The following SLC41A2 variants were observed in gnomAD, a reference collection of about 807,000 sequenced individuals.
SLC41A2 encodes the protein solute carrier family 41 member 2, also known as SLC41A1-like 1.
In SLC41A2, 32 loss-of-function variants were observed where a neutral mutation model predicts 58.3. The ratio of observed to expected loss-of-function variants is 0.55; its 90% CI spans 0.41 to 0.74. The LOEUF is 0.74. Ranked by LOEUF, SLC41A2 falls within the 30% of genes least tolerant of loss-of-function variation. SLC41A2 has a pLI of 0.00. For missense variants in SLC41A2, 514 were observed against 680.6 expected, an observed-to-expected ratio of 0.76 and a Z score of 2.72; for synonymous variants, 190 against 235.0, an observed-to-expected ratio of 0.81 and a Z score of 1.75.
intron 7 of SLC41A2, among the ~76,000 whole-genome samples, chr12:104,865,027 A>G (rs1398185835): frequency 6.6e-6 from 1 of 152,076 alleles, no homozygotes; most frequent in Non-Finnish European, 1.5e-5. Context: ...CTCTGTGTAC[A>G]TGGGCAGAGT....
chr12:104,863,534 T>G (rs1224114897), intron 7 of SLC41A2, among the ~76,000 whole-genome samples: 1 of 152,210 alleles, frequency 6.6e-6, no homozygotes, highest in Non-Finnish European at 1.5e-5. Flanking sequence ...CTAGAAATTC[T>G]TTTTATCTTC....
At chr12:104,927,436 C>A (rs2046886279) in intron 2 of SLC41A2, among the ~76,000 whole-genome samples, 1 of 151,956 alleles carries the variant, frequency 6.6e-6, no homozygotes, top group Non-Finnish European at 1.5e-5. Flanking sequence ...AAATAAGTTG[C>A]AGAAAAATAT....
chr12:104,802,351 T>C lies in SLC41A2; in HGVS notation c.*2801A>G, dbSNP rs1029671206. On this transcript the variant is annotated 3_prime_UTR_variant, in exon 11 of 11. Transcript: ENST00000258538. Reference sequence around the variant, plus strand: ...CTTAAGACTGATAATAGATTATTGTTGTGGGTAAATGAGTCATTTTATCTG... The same window carrying C: ...CTTAAGACTGATAATAGATTATTGTCGTGGGTAAATGAGTCATTTTATCTG... 1.3e-5 allele frequency among the ~76,000 whole-genome samples: 2 copies of C among 152,212 alleles called. No individual in the cohort carries two copies. The highest frequency in any genetic ancestry group is 4.8e-5 in the African/African-American group (2 of 41,452).
chr12:104,814,801 A>G (rs1030461603), intron 10 of SLC41A2, among the ~76,000 whole-genome samples: 1 of 152,150 alleles, frequency 6.6e-6, no homozygotes, highest in Non-Finnish European at 1.5e-5. Context: ...CTCAGAATTT[A>G]TGGACTTTAT....
At chr12:104,906,393 C>T (rs1029854328) in intron 3 of SLC41A2, among the ~76,000 whole-genome samples, 1 of 151,446 alleles carries the variant, frequency 6.6e-6, no homozygotes, top group African/African-American at 2.4e-5. Flanking sequence ...GGAGCTTGGA[C>T]ATGGGGCCTG....
intron 10 of SLC41A2, among the ~76,000 whole-genome samples, chr12:104,841,138 C>T (rs934883242): frequency 3.3e-5 from 5 of 152,132 alleles, no homozygotes; most frequent in African/African-American, 1.2e-4. Context: ...TACCCCTCCA[C>T]TTCCACTTCC....
chr12:104,873,589 T>C (rs1034115830), intron 6 of SLC41A2, among the ~76,000 whole-genome samples: 3 of 152,208 alleles, frequency 2.0e-5, no homozygotes, highest in African/African-American at 4.8e-5. Context: ...TTTTAATTTT[T>C]TGAGGAACCT....
intron 1 of SLC41A2, among the ~76,000 whole-genome samples, chr12:104,957,421 G>C (rs1268395838): frequency 6.6e-6 from 1 of 152,086 alleles, no homozygotes; most frequent in Non-Finnish European, 1.5e-5. Context: ...GTTTCTTTTG[G>C]GGATGATGAT....
chr12:104,806,083 CTTTAAG>C (rs1342486797), intron 10 of SLC41A2, among the ~76,000 whole-genome samples: 2 of 151,862 alleles, frequency 1.3e-5, no homozygotes, highest in Non-Finnish European at 2.9e-5. Context: ...TTTTACTATA[CTTTAAG>C]TTTTAGGGTA....
Position 104,818,581 on chromosome 12 carries a change from AAAGAG to A in SLC41A2, c.1537-13249_1537-13245del, listed in dbSNP as rs1312440017. On this transcript the variant is annotated intron_variant, in intron 10 of 10. Coordinates refer to ENST00000258538, the MANE Select transcript of SLC41A2 (RefSeq NM_001352171.3). ...CTATTTGGAGATCCAGAAGGAAAGA[AAAGAG>A]AAAACAGGACAGCCGGGTGCGGTGG... Among the ~76,000 whole-genome samples the A allele has an allele frequency of 3.9e-5, 6 of 152,184 alleles. No individual in the cohort carries two copies. In the East Asian group the frequency reaches 1.2e-3, roughly 29 times the overall value.
At chr12:104,910,441 T>C (rs1054431406) in intron 2 of SLC41A2, among the ~76,000 whole-genome samples, 9 of 152,136 alleles carry the variant, frequency 5.9e-5, no homozygotes, top group Non-Finnish European at 1.2e-4. Flanking sequence ...AATTTCTTCA[T>C]CCATTAAATG....
intron 8 of SLC41A2, among the ~76,000 whole-genome samples, chr12:104,852,533 A>G (rs540809954): frequency 2.6e-5 from 4 of 152,346 alleles, no homozygotes; most frequent in East Asian, 1.9e-4. Flanking sequence ...TTACCATATA[A>G]CAGACTAAGA....
chr12:104,945,535 C>A (rs1009625297), intron 1 of SLC41A2, among the ~76,000 whole-genome samples: 10 of 152,040 alleles, frequency 6.6e-5, no homozygotes, highest in Non-Finnish European at 1.3e-4. Context: ...AAAGAAACCA[C>A]AAAAGATACA....
At chr12:104,903,218 C>T (rs1034322804) in intron 3 of SLC41A2, among the ~76,000 whole-genome samples, 8 of 152,058 alleles carry the variant, frequency 5.3e-5, no homozygotes, top group Non-Finnish European at 1.2e-4. Flanking sequence ...CTGCTTCAAT[C>T]CTTAGCCCCC....
At chr12:104,878,759 G>A (rs534825667) in intron 6 of SLC41A2, among the ~76,000 whole-genome samples, 29 of 152,246 alleles carry the variant, frequency 1.9e-4, no homozygotes, top group Admixed American at 1.2e-3. Context: ...TGTGAAAAGC[G>A]CTGCAATAAA....
chr12:104,863,762 G>C (rs913810267), intron 7 of SLC41A2, among the ~76,000 whole-genome samples: 2 of 152,050 alleles, frequency 1.3e-5, no homozygotes, highest in Admixed American at 1.3e-4. Flanking sequence ...ACTTAGGGTT[G>C]ACTTTATTAT....
intron 6 of SLC41A2, among the ~76,000 whole-genome samples, chr12:104,875,031 T>C (rs1365338932): frequency 6.6e-6 from 1 of 152,236 alleles, no homozygotes; most frequent in East Asian, 1.9e-4. Flanking sequence ...TAATCATTTT[T>C]ATTGTAGAGA....
chr12:104,895,581 T>C (rs1436985897), intron 3 of SLC41A2, among the ~76,000 whole-genome samples: 1 of 152,162 alleles, frequency 6.6e-6, no homozygotes, highest in African/African-American at 2.4e-5. Context: ...CAAGAACTAG[T>C]GGACCCATTA....
chr12:104,814,491 T>C (rs1031156636), intron 10 of SLC41A2, among the ~76,000 whole-genome samples: 1 of 152,188 alleles, frequency 6.6e-6, no homozygotes, highest in Non-Finnish European at 1.5e-5. Context: ...AAACCATGTC[T>C]TCTTTCTGTT....
Sources: allele counts gnomAD v4.1 joint callset (sites outside exome capture counted in the v4.1 genomes callset), GRCh38; gene constraint gnomAD v4.1.1; transcripts MANE v1.5; gene names NCBI Gene and HGNC (gene_info 2026-07-23, HGNC 2026-07-21).